Variants in CEP112 observed in about 807,000 individuals in gnomAD.
CEP112 encodes centrosomal protein of 112 kDa.
In CEP112, 127 loss-of-function variants were observed where a neutral mutation model predicts 153.0. The ratio of observed to expected loss-of-function variants is 0.83; its 90% CI spans 0.72 to 0.96. CEP112 has a LOEUF of 0.96. Among genes scored for constraint, CEP112 ranks in the 40% least tolerant of loss-of-function variants. The pLI is 0.00. For missense variants in CEP112, 1,089 were observed against 1,101.2 expected, an observed-to-expected ratio of 0.99 and a Z score of 0.16; for synonymous variants, 358 against 374.4, an observed-to-expected ratio of 0.96 and a Z score of 0.51.
chr17:66,025,029 T>C (rs915011152), intron 16 of CEP112, among the ~76,000 whole-genome samples: 3 of 151,918 alleles, frequency 2.0e-5, no homozygotes, highest in African/African-American at 7.2e-5. Flanking sequence ...CAAAAACATA[T>C]ACTGGGGGAA....
intron 22 of CEP112, among the ~76,000 whole-genome samples, chr17:65,748,570 T>C (rs970779875): frequency 6.6e-6 from 1 of 152,232 alleles, no homozygotes; most frequent in African/African-American, 2.4e-5. Flanking sequence ...ATAATTCACA[T>C]TCGTTAAGTG....
At chr17:66,126,525 C>A (rs752671200) in intron 6 of CEP112, among the ~76,000 whole-genome samples, 2 of 151,620 alleles carry the variant, frequency 1.3e-5, no homozygotes, top group African/African-American at 2.4e-5. Flanking sequence ...GAGAGTCAGA[C>A]ACGAAATAGG....
At chr17:65,761,750 A>G (rs2052626360) in intron 21 of CEP112, among the ~76,000 whole-genome samples, 1 of 152,110 alleles carries the variant, frequency 6.6e-6, no homozygotes, top group African/African-American at 2.4e-5. Flanking sequence ...GTGGTCTGAG[A>G]TCAGATATTG....
At chr17:65,968,114 A>G (rs1198228392) in intron 17 of CEP112, among the ~76,000 whole-genome samples, 1 of 152,174 alleles carries the variant, frequency 6.6e-6, no homozygotes, top group Non-Finnish European at 1.5e-5. Context: ...TAAGGAAATT[A>G]CGTTATTCTT....
At chr17:66,081,033 G>A (rs2067697424) in intron 8 of CEP112, among the ~76,000 whole-genome samples, 1 of 152,078 alleles carries the variant, frequency 6.6e-6, no homozygotes, top group African/African-American at 2.4e-5. Flanking sequence ...GCTAGGGGAG[G>A]GATAGCATTA....
At chr17:66,188,704 C>G (rs1161595575) in intron 1 of CEP112, among the ~76,000 whole-genome samples, 2 of 133,756 alleles carry the variant, frequency 1.5e-5, no homozygotes, top group Admixed American at 7.5e-5. Context: ...AGCTTATTAC[C>G]TGGTACTCAT....
At chr17:65,643,580 C>T (rs527877422) in intron 24 of CEP112, among the ~76,000 whole-genome samples, 6 of 152,026 alleles carry the variant, frequency 3.9e-5, no homozygotes, top group Admixed American at 1.3e-4. Context: ...GGATTACAGG[C>T]GTGAGCCATG....
intron 18 of CEP112, among the ~76,000 whole-genome samples, chr17:65,928,845 A>G (rs1167155550): frequency 6.6e-6 from 1 of 152,172 alleles, no homozygotes; most frequent in Non-Finnish European, 1.5e-5. Flanking sequence ...GCCTGGGAAA[A>G]AGAGTAAGAT....
At chr17:66,157,394 C>T (rs918035630) in intron 4 of CEP112, among the ~76,000 whole-genome samples, 32 of 151,998 alleles carry the variant, frequency 2.1e-4, no homozygotes, top group Admixed American at 4.6e-4. Flanking sequence ...AATATGGAAA[C>T]GAAAAACCAG....
At chr17:65,752,496 G>A (rs376079918) in intron 21 of CEP112, among the ~76,000 whole-genome samples, 28 of 152,278 alleles carry the variant, frequency 1.8e-4, no homozygotes, top group Middle Eastern at 6.8e-3. Context: ...AGTGACTCTC[G>A]TGCAAGGCTA....
chr17:65,841,457 T>C (rs1484409543), intron 21 of CEP112, among the ~76,000 whole-genome samples: 1 of 151,988 alleles, frequency 6.6e-6, no homozygotes, highest in Non-Finnish European at 1.5e-5. Context: ...GTGGATCTCA[T>C]GCAGGTGAGA....
chr17:66,114,081 G>C (rs776071465), intron 6 of CEP112, among the ~76,000 whole-genome samples: 1 of 152,152 alleles, frequency 6.6e-6, no homozygotes, highest in Non-Finnish European at 1.5e-5. Flanking sequence ...CACTGAAGTC[G>C]AAGAAAATAT....
intron 19 of CEP112, among the ~76,000 whole-genome samples, chr17:65,909,083 T>C (rs1345198719): frequency 6.6e-6 from 1 of 152,258 alleles, no homozygotes; most frequent in Non-Finnish European, 1.5e-5. Context: ...AAAAGTCATT[T>C]CTTCTCAATA....
chr17:65,938,735 A>C (rs2061426594), intron 18 of CEP112, among the ~76,000 whole-genome samples: 1 of 152,246 alleles, frequency 6.6e-6, no homozygotes, highest in Non-Finnish European at 1.5e-5. Flanking sequence ...TGAATTGATA[A>C]ATGAATTCAG....
intron 20 of CEP112, among the ~76,000 whole-genome samples, chr17:65,856,850 C>T (rs539663248): frequency 4.0e-5 from 6 of 151,822 alleles, no homozygotes; most frequent in African/African-American, 1.5e-4. Flanking sequence ...TGTGTAGATA[C>T]TGTTCTATAT....
intron 8 of CEP112, among the ~76,000 whole-genome samples, chr17:66,071,004 A>T (rs1032864510): frequency 1.3e-5 from 2 of 152,200 alleles, no homozygotes; most frequent in African/African-American, 4.8e-5. Flanking sequence ...TGTGTGGCAC[A>T]AAGTAAGTAT....
At chr17:65,650,768 A>G (rs1027285703) in intron 24 of CEP112, among the ~76,000 whole-genome samples, 4 of 144,258 alleles carry the variant, frequency 2.8e-5, no homozygotes, top group African/African-American at 1.0e-4. Context: ...TTAGCTGGGC[A>G]TGGTGGTGAG....
At chr17:65,802,512 A>G (rs2055340029) in intron 21 of CEP112, among the ~76,000 whole-genome samples, 1 of 152,102 alleles carries the variant, frequency 6.6e-6, no homozygotes, top group Admixed American at 6.6e-5. Context: ...CAGGTCTTAA[A>G]CCACTCACCC....
chr17:66,158,510 G>GTAGTCCCAGCTA (rs2071546226), intron 4 of CEP112, among the ~76,000 whole-genome samples: 1 of 152,132 alleles, frequency 6.6e-6, no homozygotes. Context: ...TACACAGGAG[G>GTAGTCCCAGCTA]CTGAGACAGG....
Sources: allele counts gnomAD v4.1 joint callset (sites outside exome capture counted in the v4.1 genomes callset), GRCh38; gene constraint gnomAD v4.1.1; transcripts MANE v1.5; gene names NCBI Gene and HGNC (gene_info 2026-07-23, HGNC 2026-07-21).